Variants in ADCY5 observed in about 807,000 individuals in gnomAD.
ADCY5 encodes the protein adenylate cyclase 5.
In ADCY5, 30 loss-of-function variants were observed where a neutral mutation model predicts 119.7. That is an observed-to-expected ratio of 0.25 (90% CI 0.19 to 0.34). ADCY5 has a LOEUF of 0.34. ADCY5 is among the 10% of genes least tolerant of loss of function. The pLI is 1.00. For synonymous variants in ADCY5, 753 were observed against 762.2 expected, an observed-to-expected ratio of 0.99 and a Z score of 0.20; for missense variants, 1,324 against 1,775.2, an observed-to-expected ratio of 0.75 and a Z score of 4.57.
chr3:123,326,897 C>T (rs1941517541), intron 7 of ADCY5, among the ~76,000 whole-genome samples: 1 of 152,234 alleles, frequency 6.6e-6, no homozygotes, highest in African/African-American at 2.4e-5. Flanking sequence ...TTCTCACAGA[C>T]TAATTTTGTC....
chr3:123,398,597 G>A (rs778804796), intron 1 of ADCY5, among the ~76,000 whole-genome samples: 39 of 152,110 alleles, frequency 2.6e-4, no homozygotes, highest in Admixed American at 7.9e-4. Flanking sequence ...AGCAGCCCCA[G>A]CTTATCAGAT....
At chr3:123,387,371 C>A (rs753453271) in intron 1 of ADCY5, among the ~76,000 whole-genome samples, 13 of 152,246 alleles carry the variant, frequency 8.5e-5, no homozygotes, top group Non-Finnish European at 1.5e-4. Context: ...CTTCTACTTT[C>A]ATAGAAAATG....
chr3:123,390,767 C>T (rs1403998798), intron 1 of ADCY5, among the ~76,000 whole-genome samples: 1 of 152,202 alleles, frequency 6.6e-6, no homozygotes, highest in Non-Finnish European at 1.5e-5. Flanking sequence ...CCAGTCCCAT[C>T]CTGGGAATGG....
rs771483790 is a variant in ADCY5 at position 123,289,826 on chromosome 3, G to T, written c.3456C>A (p.Ala1152=). The change falls in exon 19 of 21, where the codon GCC becomes GCA. Residue 1152 remains alanine (A), a synonymous_variant. Transcript: ENST00000462833. ...KVGKTHIKAL[A]DFAMKLMDQM... Reference sequence around the variant, plus strand: ...GGTCCATCAGCTTCATGGCAAAGTCGGCCAGTGCCTTGATGTGGGTCTTGC... The same window carrying T: ...GGTCCATCAGCTTCATGGCAAAGTCTGCCAGTGCCTTGATGTGGGTCTTGC... 1 of 1,614,208 alleles carries T rather than the reference G, an allele frequency of 6.2e-7. No homozygotes were observed. Among genetic ancestry groups the T allele is most frequent in the Non-Finnish European group, 8.5e-7 (1 of 1,180,048 alleles).
chr3:123,435,365 G>A (rs945223136), intron 1 of ADCY5, among the ~76,000 whole-genome samples: 2 of 152,162 alleles, frequency 1.3e-5, no homozygotes, highest in Non-Finnish European at 2.9e-5. Flanking sequence ...GGTGTGGGCT[G>A]GTTTCATCTG....
intron 3 of ADCY5, among the ~76,000 whole-genome samples, chr3:123,341,547 G>C (rs1942281463): frequency 6.6e-6 from 1 of 152,058 alleles, no homozygotes; most frequent in Non-Finnish European, 1.5e-5. Context: ...AAGTTCCAGA[G>C]ATGGACGGTG....
Position 123,325,396 on chromosome 3 carries a change from G to A in ADCY5, c.2014C>T (p.Pro672Ser), listed in dbSNP as rs748837735. 2 of 1,614,204 alleles carry A rather than the reference G, an allele frequency of 1.2e-6. No individual in the cohort carries two copies. Among genetic ancestry groups the A allele is most frequent in the East Asian group, 2.2e-5 (1 of 44,866 alleles). Residue 672 changes from proline (P) to serine (S), a missense_variant, in exon 8 of 21, where the codon CCA becomes TCA. Around this residue, in one of 6 missense-constraint regions of ADCY5, gnomAD observed 424 missense variants for 546.8 expected, o/e 0.78. Transcript: ENST00000462833. ...QRTNSIGHNP[P>S]HWGAERPFYN... is the part of the protein sequence containing the mutation. ...AAGGGGCGCTCAGCCCCCCAGTGTG[G>A]TGGGTTGTGCCCGATGGAGTTGGTT... is the stretch of plus-strand genomic sequence containing the variant.
chr3:123,290,117 C>T (rs995532625), intron 18 of ADCY5, among the ~76,000 whole-genome samples, 163 bp from the exon 19 acceptor site: 5 of 152,148 alleles, frequency 3.3e-5, no homozygotes, highest in Admixed American at 1.3e-4. Context: ...ATGCCCGCAA[C>T]GCTCCTGACA....
chr3:123,438,908 G>T (rs1444387894), intron 1 of ADCY5, among the ~76,000 whole-genome samples: 1 of 151,556 alleles, frequency 6.6e-6, no homozygotes, highest in Non-Finnish European at 1.5e-5. Context: ...CACCACACCT[G>T]ATTAACCTTT....
In ADCY5 at chr3:123,319,722, G is replaced by C. The variant is rs755243569; in HGVS notation, c.2208C>G (p.His736Gln). The C allele has an allele frequency of 6.2e-7, 1 of 1,614,240 alleles. No homozygotes were observed. The highest frequency in any genetic ancestry group is 2.2e-5 in the East Asian group (1 of 44,892). Reference sequence around the variant, plus strand: ...TGAAGGTCAGGAGGAACTTGCGGACGTGCTCAGACCGAAGCCTATCAATGC... The same window carrying C: ...TGAAGGTCAGGAGGAACTTGCGGACCTGCTCAGACCGAAGCCTATCAATGC... ...ARSIDRLRSEHVRKFLLTFRE... is the reference protein window; with the variant it reads ...ARSIDRLRSEQVRKFLLTFRE... Residue 736 changes from histidine (H) to glutamine (Q), a missense_variant, in exon 10 of 21, where the codon CAC becomes CAG. Physicochemically the swap from His to Gln is conservative, Grantham distance 24 (BLOSUM62 0). Transcript: ENST00000462833.
In ADCY5 at chr3:123,437,831, G is replaced by C. The variant is rs186302240; in HGVS notation, c.1134+9581C>G. On this transcript the variant is annotated intron_variant, in intron 1 of 20. Transcript: ENST00000462833. ...TTCAAGGGACCCCAAGCCCACCAAG[G>C]GTCATTGTGCAGACCCAACCTCTTC... Among the ~76,000 whole-genome samples the C allele has an allele frequency of 7.9e-5, 12 of 152,212 alleles. 1 individual carries two copies. Among genetic ancestry groups the C allele is most frequent in the Admixed American group, 4.6e-4 (7 of 15,286 alleles).
chr3:123,322,184 T>C (rs1941253584), intron 8 of ADCY5, among the ~76,000 whole-genome samples: 1 of 152,216 alleles, frequency 6.6e-6, no homozygotes, highest in African/African-American at 2.4e-5. Flanking sequence ...GAGCTCCCTG[T>C]GGAAGACCCC....
chr3:123,408,170 A>G (rs1456264156), intron 1 of ADCY5, among the ~76,000 whole-genome samples: 3 of 152,294 alleles, frequency 2.0e-5, no homozygotes, highest in East Asian at 1.9e-4. Flanking sequence ...CCTGGGACAC[A>G]TTAAGCAAAT....
rs549972416 is a variant in ADCY5 at position 123,359,802 on chromosome 3, G to A, written c.1135-7221C>T. Among the ~76,000 whole-genome samples, 314 of 152,172 alleles carry A rather than the reference G, an allele frequency of 2.1e-3. 1 individual carries two copies. The highest frequency in any genetic ancestry group is 7.1e-3 in the African/African-American group (293 of 41,506). ...CTCCTTCCTGTTCTAGTCCTTTGTCGGTTTACAAACACATAAAACTAACAA... is the reference window on the plus strand; with the variant it reads ...CTCCTTCCTGTTCTAGTCCTTTGTCAGTTTACAAACACATAAAACTAACAA... On this transcript the variant is annotated intron_variant, in intron 1 of 20. Coordinates refer to ENST00000462833, the MANE Select transcript of ADCY5 (RefSeq NM_183357.3).
intron 1 of ADCY5, among the ~76,000 whole-genome samples, chr3:123,410,194 G>A (rs1215278313): frequency 1.3e-5 from 2 of 152,168 alleles, no homozygotes; most frequent in African/African-American, 4.8e-5. Flanking sequence ...ATGGGGGCTG[G>A]AACACAGCTC....
rs760129914 is a variant in ADCY5 at position 123,300,239 on chromosome 3, G to T, written c.2781C>A (p.Ile927=). The T allele has an allele frequency of 2.5e-6, 4 of 1,613,742 alleles. No individual in the cohort carries two copies. Among genetic ancestry groups the T allele is most frequent in the South Asian group, 1.1e-5 (1 of 91,084 alleles). ...TGAGCACCAGCTTCCCGATGCAGCTGATCTGCAGGAACACGGAGCAGGCCA... is the reference window on the plus strand; with the variant it reads ...TGAGCACCAGCTTCCCGATGCAGCTTATCTGCAGGAACACGGAGCAGGCCA... ...SLLACSVFLQ[I]SCIGKLVLML... Residue 927 remains isoleucine (I), a synonymous_variant, in exon 15 of 21, where the codon ATC becomes ATA. Coordinates refer to ENST00000462833, the MANE Select transcript of ADCY5 (RefSeq NM_183357.3).
intron 1 of ADCY5, among the ~76,000 whole-genome samples, chr3:123,371,807 A>G (rs901427297): frequency 2.6e-5 from 4 of 152,140 alleles, no homozygotes; most frequent in Non-Finnish European, 4.4e-5. Context: ...GCATATCTAC[A>G]CAGTGAAGGG....
chr3:123,424,257 C>T (rs1370725428), intron 1 of ADCY5, among the ~76,000 whole-genome samples: 1 of 152,240 alleles, frequency 6.6e-6, no homozygotes, highest in Non-Finnish European at 1.5e-5. Flanking sequence ...CCTTCTGATA[C>T]CCTTTGCTCT....
chr3:123,284,446 G>T lies in ADCY5; in HGVS notation c.*162C>A. On this transcript the variant is annotated 3_prime_UTR_variant, in exon 21 of 21. Coordinates refer to ENST00000462833, the MANE Select transcript of ADCY5 (RefSeq NM_183357.3). ...CCCGGGGCCTGGGACAGAGGCCGCTGCCCACCAGCAAAGGCAGAAGCTGCT... is the reference window on the plus strand; with the variant it reads ...CCCGGGGCCTGGGACAGAGGCCGCTTCCCACCAGCAAAGGCAGAAGCTGCT... 8.5e-7 allele frequency: 1 copy of T among 1,172,972 alleles called. No individual in the cohort carries two copies. Among genetic ancestry groups the T allele is most frequent in the Non-Finnish European group, 1.2e-6 (1 of 852,332 alleles). The allele number at this position is 1,172,972 out of a possible 1,614,324, so 72.7% of individuals were successfully genotyped here.
Sources: allele counts gnomAD v4.1 joint callset (sites outside exome capture counted in the v4.1 genomes callset), GRCh38; gene constraint gnomAD v4.1.1; regional missense constraint gnomAD v4.1.1; transcripts MANE v1.5; gene names NCBI Gene and HGNC (gene_info 2026-07-23, HGNC 2026-07-21).